Variants in CHRM3 observed in about 807,000 individuals in gnomAD.
The protein encoded by CHRM3 is muscarinic acetylcholine receptor M3.
A neutral mutation model predicts 41.8 loss-of-function variants in CHRM3; 11 were observed. The observed-to-expected ratio is 0.26, with a 90% CI of 0.17 to 0.44. The LOEUF (loss-of-function observed/expected upper bound fraction) is 0.44, where lower values mean the gene tolerates loss of function less well. CHRM3 is among the 20% of genes least tolerant of loss of function. The probability of loss-of-function intolerance (pLI) is 1.00; values close to 1 mark genes in which losing one functional copy is unlikely to be tolerated. For synonymous variants in CHRM3, 297 were observed against 301.4 expected (o/e 0.99, Z 0.15); for missense variants, 571 against 745.4 (o/e 0.77, Z 2.72).
intron 1 of CHRM3, among the ~76,000 whole-genome samples, chr1:239,461,674 T>C (rs551482695): frequency 1.3e-5 from 2 of 152,252 alleles, no homozygotes; most frequent in South Asian, 4.1e-4. Context: ...TGATTTGCAA[T>C]GTAATTTGAC....
intron 3 of CHRM3, among the ~76,000 whole-genome samples, chr1:239,579,452 T>C (rs1010398866): frequency 2.0e-5 from 3 of 152,198 alleles, no homozygotes; most frequent in Non-Finnish European, 4.4e-5. Flanking sequence ...GGAACTCTTG[T>C]ATATTTTATT....
At chr1:239,604,828 T>C (rs1666042687) in intron 3 of CHRM3, among the ~76,000 whole-genome samples, 3 of 152,254 alleles carry the variant, frequency 2.0e-5, no homozygotes, top group Non-Finnish European at 2.9e-5. Context: ...ACTGATATTT[T>C]AGAACTTCTA....
At position 239,908,587 on chromosome 1, in the gene CHRM3, A is replaced by C. The variant is rs753963231; in HGVS notation, c.1136A>C (p.Asn379Thr). The C allele has an allele frequency of 1.6e-5, 26 of 1,598,040 alleles. No homozygotes were observed. The highest frequency in any genetic ancestry group is 1.8e-5 in the Non-Finnish European group (21 of 1,172,396). Residue 379 changes from asparagine to threonine, a missense_variant, in exon 7 of 7, where the codon AAC becomes ACC. Physicochemically the swap from Asn to Thr is moderately conservative, Grantham distance 65. Coordinates refer to ENST00000676153, the MANE Select transcript of CHRM3 (RefSeq NM_001375978.1). This position sits in a 1 kb window ranked among gnomAD's most constrained non-coding sequence, Gnocchi z 7.2. ...LKLPGHSTIL[N>T]STKLPSSDNL... ...CTTCCGGGTCACAGCACCATCCTCA[A>C]CTCCACCAAGTTACCCTCATCGGAC...
At chr1:239,786,302 G>A (rs568832178) in intron 5 of CHRM3, among the ~76,000 whole-genome samples, 86 of 152,148 alleles carry the variant, frequency 5.7e-4, no homozygotes, top group Non-Finnish European at 9.4e-4. Context: ...ATTACTGTGA[G>A]GCAAAAGCAA....
chr1:239,398,529 C>G (rs573793844), intron 1 of CHRM3, among the ~76,000 whole-genome samples: 2 of 152,126 alleles, frequency 1.3e-5, no homozygotes, highest in East Asian at 3.9e-4. Context: ...TGAGCCACCA[C>G]GCCTGGCCAA....
chr1:239,520,472 C>T (rs1347000232), intron 2 of CHRM3, among the ~76,000 whole-genome samples: 1 of 152,106 alleles, frequency 6.6e-6, no homozygotes, highest in Non-Finnish European at 1.5e-5. Flanking sequence ...CTCTCTCTTG[C>T]TCCCAATCCC....
chr1:239,842,565 A>G (rs534372842), intron 6 of CHRM3, among the ~76,000 whole-genome samples: 1 of 152,240 alleles, frequency 6.6e-6, no homozygotes, highest in South Asian at 2.1e-4. Context: ...ATGGATGGGG[A>G]GACCTAAAGT....
intron 3 of CHRM3, among the ~76,000 whole-genome samples, chr1:239,620,938 G>A (rs1413924258): frequency 6.6e-6 from 1 of 152,088 alleles, no homozygotes; most frequent in Non-Finnish European, 1.5e-5. Flanking sequence ...TTATTTTATT[G>A]TGCTTCAGTT....
intron 3 of CHRM3, chr1:239,606,003 A>C (rs1666199684): frequency 6.6e-6 from 1 of 152,256 alleles, no homozygotes; most frequent in African/African-American, 2.4e-5. Flanking sequence ...TTACTCTCTC[A>C]GTGTACAGTG....
At chr1:239,674,526 G>A (rs560356517) in intron 4 of CHRM3, among the ~76,000 whole-genome samples, 63 of 151,874 alleles carry the variant, frequency 4.1e-4, no homozygotes, top group African/African-American at 1.3e-3. Flanking sequence ...TGGCTAACAC[G>A]GTGAAACCCC....
chr1:239,839,801 G>C (rs910872098), intron 6 of CHRM3, among the ~76,000 whole-genome samples: 89 of 128,314 alleles, frequency 6.9e-4, no homozygotes, highest in Non-Finnish European at 1.3e-3. Context: ...GTGGCGGGGC[G>C]GGGGGGGAGC....
chr1:239,728,619 T>C (rs577381119), intron 5 of CHRM3, among the ~76,000 whole-genome samples: 4 of 152,020 alleles, frequency 2.6e-5, no homozygotes, highest in Non-Finnish European at 5.9e-5. Flanking sequence ...AAAAACGTTA[T>C]GATCTTCTCA....
At chr1:239,689,765 G>C (rs1397259306) in intron 5 of CHRM3, among the ~76,000 whole-genome samples, 1 of 152,198 alleles carries the variant, frequency 6.6e-6, no homozygotes, top group African/African-American at 2.4e-5. Flanking sequence ...TATTCTGGTA[G>C]AGGAAGGTGT....
chr1:239,658,122 A>G (rs553387289), intron 4 of CHRM3, among the ~76,000 whole-genome samples: 1 of 152,350 alleles, frequency 6.6e-6, no homozygotes, highest in South Asian at 2.1e-4. Flanking sequence ...AGAGTTAAGT[A>G]TCTAATAAAT....
At chr1:239,636,652 T>A (rs1370408980) in intron 4 of CHRM3, among the ~76,000 whole-genome samples, 1 of 152,142 alleles carries the variant, frequency 6.6e-6, no homozygotes, top group Non-Finnish European at 1.5e-5. Flanking sequence ...AGATGATAAT[T>A]ATATGTTTGG....
intron 5 of CHRM3, among the ~76,000 whole-genome samples, chr1:239,780,761 T>A (rs1368105307): frequency 6.6e-6 from 1 of 152,070 alleles, no homozygotes; most frequent in Non-Finnish European, 1.5e-5. Flanking sequence ...TTTAGATATG[T>A]GATTCATTTT....
At chr1:239,694,367 C>A (rs1433486143) in intron 5 of CHRM3, among the ~76,000 whole-genome samples, 1 of 152,204 alleles carries the variant, frequency 6.6e-6, no homozygotes, top group Non-Finnish European at 1.5e-5. Context: ...CTAGGGAGCT[C>A]ATCCATTTCA....
chr1:239,688,573 TTA>T (rs1305771169), intron 5 of CHRM3, among the ~76,000 whole-genome samples: 5 of 134,698 alleles, frequency 3.7e-5, no homozygotes, highest in Non-Finnish European at 3.1e-5. Flanking sequence ...TTATATGATA[TTA>T]TATATTACTC....
intron 3 of CHRM3, among the ~76,000 whole-genome samples, chr1:239,610,003 T>C (rs770005973): frequency 3.6e-4 from 54 of 151,570 alleles, no homozygotes; most frequent in Non-Finnish European, 6.0e-4. Flanking sequence ...CCATCCTGGC[T>C]AACATGGTGA....
Sources: allele counts gnomAD v4.1 joint callset (sites outside exome capture counted in the v4.1 genomes callset), GRCh38; gene constraint gnomAD v4.1.1; non-coding constraint Gnocchi (gnomAD v3.1); transcripts MANE v1.5; gene names NCBI Gene and HGNC (gene_info 2026-07-23, HGNC 2026-07-21).